The following PRAMEF20 variants were observed in gnomAD, a reference collection of about 807,000 sequenced individuals.
PRAMEF20 encodes the protein PRAME family member 20.
In PRAMEF20, 27 loss-of-function variants were observed where a neutral mutation model predicts 32.4. That is an observed-to-expected ratio of 0.83 (90% CI 0.61 to 1.15). The LOEUF (loss-of-function observed/expected upper bound fraction) is 1.15. Ranked by LOEUF, PRAMEF20 falls within the 50% of genes most tolerant of loss-of-function variation. The pLI is 0.00. For missense variants in PRAMEF20, 604 were observed against 584.5 expected, an observed-to-expected ratio of 1.03 and a Z score of -0.34; for synonymous variants, 256 against 235.4, an observed-to-expected ratio of 1.09 and a Z score of -0.80.
At chr1:13,412,456 C>A (rs1187563983), upstream of PRAMEF20, among the ~76,000 whole-genome samples, 2 of 152,114 alleles carry the variant, frequency 1.3e-5, no homozygotes. Flanking sequence ...GATTCTACAT[C>A]TTCTCTTTTG....
intron 2 of PRAMEF20, 142 bp downstream of exon 3, chr1:13,418,842 G>T: frequency 6.8e-7 from 1 of 1,467,342 alleles, no homozygotes; most frequent in Non-Finnish European, 9.2e-7. Context: ...TTGGAAGTGG[G>T]TATCACACAT....
At chr1:13,421,076 C>G in exon 3 of PRAMEF20, 5 of 1,613,918 alleles carry the variant, frequency 3.1e-6, no homozygotes, top group African/African-American at 2.7e-5. Flanking sequence ...TCCTGCCCCG[C>G]GGGAGAGTTA....
At chr1:13,412,938 CA>C (rs888067347), upstream of PRAMEF20, among the ~76,000 whole-genome samples, 1 of 151,786 alleles carries the variant, frequency 6.6e-6, no homozygotes, top group African/African-American at 2.4e-5. Flanking sequence ...CCTGCAACAC[CA>C]AAAAAAATTA....
At chr1:13,417,910 T>TTGTG (rs71272484) in intron 1 of PRAMEF20, among the ~76,000 whole-genome samples, 5,154 of 124,190 alleles carry the variant, frequency 0.042, 192 homozygotes, top group South Asian at 0.079. Flanking sequence ...CCCGGCTAAT[T>TTGTG]TGTGTGTGTG....
At chr1:13,419,258 A>G (rs1164541002) in intron 2 of PRAMEF20, among the ~76,000 whole-genome samples, 2 of 152,056 alleles carry the variant, frequency 1.3e-5, no homozygotes, top group African/African-American at 4.8e-5. Context: ...GGTTCAAGCA[A>G]TTCTCCTGCC....
the PRAMEF20 span, among the ~76,000 whole-genome samples, chr1:13,410,876 G>A: frequency 6.6e-6 from 1 of 151,748 alleles, no homozygotes; most frequent in South Asian, 2.1e-4. Context: ...TTTTTGGTGG[G>A]GGATAGAGTC....
At chr1:13,411,198 A>G in the PRAMEF20 span, among the ~76,000 whole-genome samples, 1 of 152,092 alleles carries the variant, frequency 6.6e-6, no homozygotes, top group African/African-American at 2.4e-5. Context: ...GCATGGTGGC[A>G]TGCATCTGTA....
At position 13,418,519 on chromosome 1, in the gene PRAMEF20, G is replaced by C; in HGVS notation, c.685G>C (p.Gly229Arg). The change falls in exon 2 of 3, where the codon GGC becomes CGC. Residue 229 changes from glycine (G) to arginine (R), a missense_variant. By Grantham distance (125) the Gly-to-Arg change is moderately radical. Coordinates refer to ENST00000602960, the Ensembl canonical transcript of PRAMEF20. ...CCTGGCAGAGTTTACCCCATACCTC[G>C]GCCAGATGAGGAATCTTCGGAAGCT... The C allele has an allele frequency of 1.9e-6, 3 of 1,613,850 alleles. No homozygotes were observed. In the South Asian group the frequency reaches 3.3e-5, roughly 18 times the overall value.
At chr1:13,415,945 C>T (rs1569865231), upstream of PRAMEF20, among the ~76,000 whole-genome samples, 1 of 152,216 alleles carries the variant, frequency 6.6e-6, no homozygotes, top group Admixed American at 6.5e-5. Context: ...ATGTTCCCAA[C>T]CAGCTTATTT....
chr1:13,417,446 T>C (rs1353193553), intron 1 of PRAMEF20, among the ~76,000 whole-genome samples: 1 of 151,556 alleles, frequency 6.6e-6, no homozygotes, highest in Non-Finnish European at 1.5e-5. Flanking sequence ...CAGCTAAAAA[T>C]ACAAAAATTA....
exon 3 of PRAMEF20, chr1:13,421,283 A>T (rs914146456): frequency 6.4e-5 from 103 of 1,613,582 alleles, no homozygotes; most frequent in Non-Finnish European, 7.2e-5. Context: ...GGGTGGATAT[A>T]TCAAACTCTT....
At chr1:13,413,706 G>C (rs1383140598), upstream of PRAMEF20, among the ~76,000 whole-genome samples, 1 of 151,954 alleles carries the variant, frequency 6.6e-6, no homozygotes, top group African/African-American at 2.4e-5. Flanking sequence ...TGATTAGAAA[G>C]GTCCATAAAA....
upstream of PRAMEF20, among the ~76,000 whole-genome samples, chr1:13,413,814 G>C (rs990538170): frequency 6.6e-6 from 1 of 152,082 alleles, no homozygotes; most frequent in African/African-American, 2.4e-5. Context: ...GATCTGGTAA[G>C]TCTCCACCTC....
chr1:13,418,764 T>A, intron 2 of PRAMEF20, 64 bp downstream of exon 3: 1 of 1,608,398 alleles, frequency 6.2e-7, no homozygotes, highest in Admixed American at 1.7e-5. Context: ...ACAGGGGGCA[T>A]CTACTGTGAG....
upstream of PRAMEF20, among the ~76,000 whole-genome samples, chr1:13,414,200 CCTGA>C (rs1187802241): frequency 6.9e-6 from 1 of 144,130 alleles, no homozygotes; most frequent in African/African-American, 2.7e-5. Context: ...CGCCATCACA[CCTGA>C]CTAATTTTTT....
upstream of PRAMEF20, among the ~76,000 whole-genome samples, chr1:13,412,528 A>G (rs1414471138): frequency 6.6e-6 from 1 of 152,068 alleles, no homozygotes; most frequent in Non-Finnish European, 1.5e-5. Flanking sequence ...ATTCTTCAAG[A>G]TCCCCAAACA....
intron 1 of PRAMEF20, 144 bp from the exon 3 acceptor site, chr1:13,417,978 G>T (rs1218972918): frequency 1.3e-5 from 15 of 1,180,752 alleles, no homozygotes; most frequent in Non-Finnish European, 1.8e-5. Context: ...GTTTCACCAT[G>T]CTAGCCAGGA....
intron 2 of PRAMEF20, among the ~76,000 whole-genome samples, chr1:13,419,239 T>C (rs1641216492): frequency 1.3e-5 from 2 of 152,122 alleles, no homozygotes; most frequent in African/African-American, 2.4e-5. Flanking sequence ...CTGCAACCTC[T>C]GCCTCCTGGG....
At chr1:13,416,618 G>C (rs941043498) in exon 1 of PRAMEF20, 1 of 1,614,156 alleles carries the variant, frequency 6.2e-7, no homozygotes. Flanking sequence ...TTGATGCACT[G>C]CTTACCCACA....
Sources: gnomAD v4.1 joint callset for allele counts (sites outside exome capture counted in the v4.1 genomes callset) on GRCh38, gnomAD v4.1.1 for gene constraint, MANE v1.5 for transcripts, NCBI Gene and HGNC (gene_info 2026-07-23, HGNC 2026-07-21) for gene names.